The following EBF4 variants were observed in gnomAD, a reference collection of about 807,000 sequenced individuals.
The protein encoded by EBF4 is EBF transcription factor 4.
EBF4 carries 34 observed loss-of-function variants against 67.1 expected under a neutral mutation model. The observed-to-expected ratio is 0.51, with a 90% CI of 0.39 to 0.67. The LOEUF is 0.67. EBF4 is among the 30% of genes least tolerant of loss of function. The probability of loss-of-function intolerance (pLI) is 0.00; values close to 1 mark genes in which losing one functional copy is unlikely to be tolerated. For synonymous variants in EBF4, 387 were observed against 377.7 expected (o/e 1.02, Z -0.29); for missense variants, 837 against 873.3 (o/e 0.96, Z 0.52).
rs558090827 is a variant in EBF4, at chr20:2,711,752, A to G, written c.557+2110A>G. ...GGGCTTACAATCTGGTAGGGGAAAT[A>G]GACATTAACAAACTAAATGAAAAAA... On this transcript the variant is annotated intron_variant, in intron 6 of 16. Transcript: ENST00000609451. 2.0e-5 allele frequency among the ~76,000 whole-genome samples: 3 copies of G among 152,346 alleles called. 1 individual carries two copies. In the South Asian group the frequency reaches 6.2e-4, roughly 32 times the overall value.
At chr20:2,714,171 T>C (rs1185603956) in intron 6 of EBF4, among the ~76,000 whole-genome samples, 2 of 152,194 alleles carry the variant, frequency 1.3e-5, no homozygotes, top group Non-Finnish European at 2.9e-5. Flanking sequence ...TGATTTCCGT[T>C]TCTCTTACTC....
At chr20:2,737,068 T>A (rs1231992140) in intron 6 of EBF4, among the ~76,000 whole-genome samples, 2 of 151,616 alleles carry the variant, frequency 1.3e-5, no homozygotes, top group African/African-American at 4.8e-5. Context: ...GCTAACACGG[T>A]GAAACCCCGT....
intron 5 of EBF4, among the ~76,000 whole-genome samples, chr20:2,708,955 G>A (rs2146392827): frequency 6.6e-6 from 1 of 152,298 alleles, no homozygotes. Context: ...GGAAGCCGAG[G>A]CGAGCGGATC....
chr20:2,721,240 T>G (rs1212075264), intron 6 of EBF4, among the ~76,000 whole-genome samples: 1 of 143,818 alleles, frequency 7.0e-6, no homozygotes, highest in African/African-American at 2.7e-5. Flanking sequence ...GCTCACTGAT[T>G]CTCTTCTTTT....
intron 6 of EBF4, among the ~76,000 whole-genome samples, chr20:2,743,030 C>T (rs536218215): frequency 6.6e-6 from 1 of 152,166 alleles, no homozygotes; most frequent in Admixed American, 6.5e-5. Flanking sequence ...CCCTCCAACT[C>T]CCCTGCCCAC....
chr20:2,715,123 C>T (rs960396638), intron 6 of EBF4, among the ~76,000 whole-genome samples: 2 of 152,168 alleles, frequency 1.3e-5, no homozygotes, highest in Non-Finnish European at 2.9e-5. Flanking sequence ...CCCCATACCA[C>T]TGCCTAACCC....
chr20:2,717,558 A>G (rs1008748971), intron 6 of EBF4, among the ~76,000 whole-genome samples: 27 of 152,158 alleles, frequency 1.8e-4, no homozygotes, highest in East Asian at 9.6e-4. Context: ...TTTTGTTGCT[A>G]TTGTAAATGG....
rs2087346870 is a variant in EBF4 at position 2,699,657 on chromosome 20, T to C, written c.137+5875T>C. On this transcript the variant is annotated intron_variant, in intron 1 of 16. Transcript: ENST00000609451. The stretch of plus-strand genomic sequence containing the variant: ...CATTTTGCAGTCTTGCAGAAGTGGT[T>C]AATGTGGCTGATTTTGTCACTCAGC... Among the ~76,000 whole-genome samples, 4 of 152,366 alleles carry C rather than the reference T, an allele frequency of 2.6e-5. No individual in the cohort carries two copies. In the South Asian group the frequency reaches 8.3e-4, roughly 32 times the overall value.
intron 6 of EBF4, among the ~76,000 whole-genome samples, chr20:2,736,262 C>T (rs914024233): frequency 1.2e-4 from 19 of 152,146 alleles, no homozygotes; most frequent in African/African-American, 4.6e-4. Flanking sequence ...TGGATACTCC[C>T]TGGCATTTAA....
At chr20:2,716,309 C>T (rs1051939525) in intron 6 of EBF4, among the ~76,000 whole-genome samples, 8 of 151,132 alleles carry the variant, frequency 5.3e-5, no homozygotes, top group South Asian at 2.1e-4. Flanking sequence ...GGCAGATCAC[C>T]GGAGGTCGGG....
intron 6 of EBF4, among the ~76,000 whole-genome samples, chr20:2,746,447 TGA>T (rs1206441704): frequency 6.6e-6 from 1 of 152,066 alleles, no homozygotes; most frequent in African/African-American, 2.4e-5. Context: ...TGACAAGTGC[TGA>T]GAATGTAGAC....
intron 1 of EBF4, among the ~76,000 whole-genome samples, chr20:2,697,311 C>T (rs1385689199): frequency 4.0e-5 from 6 of 151,894 alleles, no homozygotes; most frequent in Non-Finnish European, 7.4e-5. Context: ...TTTGGGAGGC[C>T]GAGGCAGGCA....
At chr20:2,735,850 G>A (rs974240628) in intron 6 of EBF4, among the ~76,000 whole-genome samples, 4 of 152,068 alleles carry the variant, frequency 2.6e-5, no homozygotes, top group Non-Finnish European at 4.4e-5. Context: ...AAAAAAATTC[G>A]TGTACTTGAA....
intron 7 of EBF4, 42 bp downstream of exon 7, chr20:2,748,672 T>C: frequency 6.5e-7 from 1 of 1,530,550 alleles, no homozygotes; most frequent in Non-Finnish European, 8.9e-7. Context: ...CCCCACCCTT[T>C]CCTGATGGAG....
chr20:2,744,002 C>T (rs2146481994), intron 6 of EBF4, among the ~76,000 whole-genome samples: 1 of 152,244 alleles, frequency 6.6e-6, no homozygotes, highest in South Asian at 2.1e-4. Flanking sequence ...CTCCCTGCCC[C>T]CCAACTCACC....
At chr20:2,715,363 G>A (rs566178741) in intron 6 of EBF4, among the ~76,000 whole-genome samples, 84 of 152,316 alleles carry the variant, frequency 5.5e-4, no homozygotes, top group Admixed American at 5.4e-3. Context: ...GCTGTAGTTT[G>A]TTGTATTTAG....
chr20:2,754,974 C>CCG (rs1555789862), intron 14 of EBF4: 1 of 103,684 alleles, frequency 9.6e-6, no homozygotes, highest in African/African-American at 2.9e-5. Flanking sequence ...GAGACCACCC[C>CCG]CCCCCACAGG....
chr20:2,748,092 T>C (rs2088077692), intron 6 of EBF4, among the ~76,000 whole-genome samples: 1 of 152,158 alleles, frequency 6.6e-6, no homozygotes, highest in Non-Finnish European at 1.5e-5. Flanking sequence ...GTGATGAGCA[T>C]ATACTGTGAC....
At chr20:2,746,619 A>C (rs1044672634) in intron 6 of EBF4, among the ~76,000 whole-genome samples, 1 of 152,150 alleles carries the variant, frequency 6.6e-6, no homozygotes, top group Admixed American at 6.5e-5. Context: ...AGGACCTGTA[A>C]CAAATTTTCC....
Sources: allele counts gnomAD v4.1 joint callset (sites outside exome capture counted in the v4.1 genomes callset), GRCh38; gene constraint gnomAD v4.1.1; transcripts MANE v1.5; gene names NCBI Gene and HGNC (gene_info 2026-07-23, HGNC 2026-07-21).